RARS2: variants seen among roughly 807,000 people sequenced by gnomAD.
The protein encoded by RARS2 is arginyl-tRNA synthetase 2, mitochondrial.
In RARS2, 67 loss-of-function variants were observed where a neutral mutation model predicts 88.5. The ratio of observed to expected loss-of-function variants is 0.76; its 90% CI spans 0.62 to 0.93. The LOEUF is 0.93. RARS2 is among the 40% of genes least tolerant of loss of function. RARS2 has a pLI of 0.00. For missense variants in RARS2, 664 were observed against 684.2 expected (o/e 0.97, Z 0.33); for synonymous variants, 239 against 230.3 (o/e 1.04, Z -0.34).
chr6:87,589,958 G>T lies in RARS2; in HGVS notation c.-1C>A. The T allele has an allele frequency of 6.2e-7, 1 of 1,614,220 alleles. No individual in the cohort carries two copies. Among genetic ancestry groups the T allele is most frequent in the South Asian group, 1.1e-5 (1 of 91,092 alleles). ...TAGCGCGGCGAAAGCCGCACGCCAT[G>T]TCCACCTCTACGGAAGTGCGCCGCA... On this transcript the variant is annotated 5_prime_UTR_variant, in exon 1 of 20. Transcript: ENST00000369536.
At chr6:87,559,668 T>G (rs1787236578) in intron 4 of RARS2, among the ~76,000 whole-genome samples, 2 of 152,092 alleles carry the variant, frequency 1.3e-5, no homozygotes, top group Admixed American at 1.3e-4. Context: ...AGAAAAATAT[T>G]TTTTAATTTT....
At chr6:87,529,692 A>C (rs768009485) in intron 9 of RARS2, 44 bp from the exon 10 acceptor site, 5 of 1,401,960 alleles carry the variant, frequency 3.6e-6, no homozygotes, top group Non-Finnish European at 5.1e-6. Flanking sequence ...TGTTAATTGA[A>C]TCTCCTATTC....
In RARS2 at chr6:87,529,539, T is replaced by C. The variant is rs1381707506; in HGVS notation, c.878+3A>G. On this transcript the variant is annotated splice_donor_region_variant and intron_variant, in intron 10 of 19. Coordinates refer to ENST00000369536, the MANE Select transcript of RARS2 (RefSeq NM_020320.5). ...TTACTGAAGAATAGTAACCTGATCATACATTGTTTTCAGTAGGAGTCCTTT... is the reference window on the plus strand; with the variant it reads ...TTACTGAAGAATAGTAACCTGATCACACATTGTTTTCAGTAGGAGTCCTTT... The C allele has an allele frequency of 2.0e-6, 3 of 1,510,030 alleles. No homozygotes were observed. The Admixed American group carries it at 5.0e-5, about 25-fold the overall frequency. 93.5% of individuals were successfully genotyped at this position (1,510,030 alleles called of 1,614,324 possible). A position where few individuals can be genotyped will look rare whatever the true frequency, so the allele number is the denominator to read the frequency against.
chr6:87,540,718 A>C (rs1403768979), intron 8 of RARS2, among the ~76,000 whole-genome samples: 2 of 152,178 alleles, frequency 1.3e-5, no homozygotes, highest in African/African-American at 4.8e-5. Flanking sequence ...CAACAGGGAC[A>C]ACAAAAAGGA....
intron 8 of RARS2, among the ~76,000 whole-genome samples, chr6:87,537,883 C>T (rs1292273466): frequency 2.0e-5 from 3 of 152,132 alleles, no homozygotes; most frequent in South Asian, 2.1e-4. Flanking sequence ...CCAGAAATAA[C>T]GATGGGGCAG....
At chr6:87,579,263 C>A (rs1236220182) in intron 1 of RARS2, among the ~76,000 whole-genome samples, 1 of 152,094 alleles carries the variant, frequency 6.6e-6, no homozygotes, top group Non-Finnish European at 1.5e-5. Flanking sequence ...GGAAAACCCG[C>A]CTGGCTCCCA....
Position 87,548,643 on chromosome 6 carries a change from T to C in RARS2, c.399A>G (p.Ser133=). The C allele has an allele frequency of 6.2e-7, 1 of 1,612,566 alleles. No homozygotes were observed. Among genetic ancestry groups the C allele is most frequent in the Non-Finnish European group, 8.5e-7 (1 of 1,179,264 alleles). The change falls in exon 6 of 20, where the codon TCA becomes TCG. Residue 133 remains serine (S), a synonymous_variant. Transcript: ENST00000369536. ...CATGAAATTTTTTGGCAACATTAGG[T>C]GAACTGCAAAAAAAATGGGAAACAT... ...PQKKIVVEFS[S]PNVAKKFHVG... is the part of the protein sequence containing the mutation.
At chr6:87,514,608 T>A (rs1770922012) in intron 19 of RARS2, 109 bp from the exon 20 acceptor site, 1 of 966,460 alleles carries the variant, frequency 1.0e-6, no homozygotes. Flanking sequence ...AGGAACAATA[T>A]GTCAAAGTGC....
intron 1 of RARS2, among the ~76,000 whole-genome samples, chr6:87,576,753 CTG>C (rs1771712663): frequency 6.6e-6 from 1 of 152,088 alleles, no homozygotes; most frequent in South Asian, 2.1e-4. Context: ...AAAAGAGAAA[CTG>C]AATCTACATA....
rs769473411 is a variant in RARS2, at chr6:87,530,870, G to A, written c.685C>T (p.Arg229Ter). 2.5e-6 allele frequency: 4 copies of A among 1,614,006 alleles called. No individual in the cohort carries two copies. Among genetic ancestry groups the A allele is most frequent in the East Asian group, 4.5e-5 (2 of 44,896 alleles). ...VAKAAQEFFQ[R>*]LELGDVQALS... ...GCTTGCACATCGCCCAGTTCCAATC[G>A]TTGGAAGAACTCCTGTGCTGCTTTT... Residue 229 changes from arginine to a stop codon, truncating the protein, a stop_gained, in exon 9 of 20, where the codon CGA becomes TGA. Coordinates refer to ENST00000369536, the MANE Select transcript of RARS2 (RefSeq NM_020320.5). LOFTEE classifies it high-confidence loss of function.
Position 87,555,422 on chromosome 6 carries a change from A to C in RARS2, c.381T>G (p.Ile127Met), listed in dbSNP as rs1785570799. The C allele has an allele frequency of 6.2e-7, 1 of 1,613,734 alleles. No homozygotes were observed. Among genetic ancestry groups the C allele is most frequent in the African/African-American group, 1.3e-5 (1 of 75,016 alleles). Reference protein sequence around the residue: ...ELFSGLPQKKIVVEFSSPNVA... With the variant: ...ELFSGLPQKKMVVEFSSPNVA... ...TGCACCCTCACCTGAATTCAACCAC[A>C]ATCTTCTTCTGGGGAAGTCCAGAGA... The change falls in exon 5 of 20, where the codon ATT becomes ATG. Residue 127 changes from isoleucine to methionine, a missense_variant. By Grantham distance (10) the Ile-to-Met change is conservative (BLOSUM62 1). Transcript: ENST00000369536.
chr6:87,555,147 A>AT (rs1785475204), intron 5 of RARS2, among the ~76,000 whole-genome samples: 1 of 151,346 alleles, frequency 6.6e-6, no homozygotes, highest in Admixed American at 6.6e-5. Flanking sequence ...AAATAAATAA[A>AT]GTGAATAACT....
intron 2 of RARS2, among the ~76,000 whole-genome samples, chr6:87,565,384 GA>G (rs535297499): frequency 1.5e-4 from 23 of 150,372 alleles, no homozygotes; most frequent in East Asian, 3.9e-4. Context: ...CTGGGTAGGT[GA>G]AAAAAAAATA....
At chr6:87,515,049 G>C (rs1017858006) in intron 18 of RARS2, 29 bp from the exon 19 acceptor site, 2 of 1,545,840 alleles carry the variant, frequency 1.3e-6, no homozygotes, top group East Asian at 2.2e-5. Context: ...AATCACGATA[G>C]TACCAGCAGT....
Position 87,548,824 on chromosome 6 carries a change from T to A in RARS2, c.396-178A>T, listed in dbSNP as rs572445676. 2.5e-4 allele frequency among the ~76,000 whole-genome samples: 38 copies of A among 152,302 alleles called. No individual in the cohort carries two copies. In the South Asian group the frequency reaches 7.9e-3, roughly 32 times the overall value. ...TAAATTAGAACTCGAAATTTTGACA[T>A]TGTGTTAATGAAATTGATCTTGTGA... On this transcript the variant is annotated intron_variant, in intron 5 of 19. Coordinates refer to ENST00000369536, the MANE Select transcript of RARS2 (RefSeq NM_020320.5).
chr6:87,571,470 A>C (rs1186656895), intron 1 of RARS2, among the ~76,000 whole-genome samples: 2 of 152,234 alleles, frequency 1.3e-5, no homozygotes, highest in African/African-American at 4.8e-5. Context: ...ATGCATAAAA[A>C]CAAAATAGTG....
Position 87,514,994 on chromosome 6 carries a change from GT to G in RARS2, c.1612del (p.Thr538HisfsTer4), listed in dbSNP as rs781417096. Reference protein sequence around the residue: ...LSHLAAVAHKTLQIKDSPPEV... With the variant: ...LSHLAAVAHKXLQIKDSPPEV... ...AGGAGGACTATCTTTTATTTGTAGT[GT>G]TTTGTGTGCCACAGCTGCAAGATGA... is the stretch of plus-strand genomic sequence containing the variant. On this transcript the variant is annotated frameshift_variant, in exon 19 of 20. Coordinates refer to ENST00000369536, the MANE Select transcript of RARS2 (RefSeq NM_020320.5). LOFTEE classifies it high-confidence loss of function. The G allele has an allele frequency of 5.6e-6, 9 of 1,613,402 alleles. No individual in the cohort carries two copies. The highest frequency in any genetic ancestry group is 5.9e-6 in the Non-Finnish European group (7 of 1,179,456).
intron 5 of RARS2, among the ~76,000 whole-genome samples, chr6:87,554,275 T>C (rs1785145945): frequency 6.6e-6 from 1 of 152,172 alleles, no homozygotes; most frequent in Admixed American, 6.6e-5. Flanking sequence ...TAGTTCTTAG[T>C]GTTCCCTTTT....
intron 5 of RARS2, 25 bp downstream of exon 5, chr6:87,555,383 A>G (rs773849424): frequency 6.4e-7 from 1 of 1,568,884 alleles, no homozygotes; most frequent in Non-Finnish European, 8.8e-7. Flanking sequence ...TGATTAAGCA[A>G]CACATAAAAG....
Sources: gnomAD v4.1 joint callset for allele counts (sites outside exome capture counted in the v4.1 genomes callset) on GRCh38, gnomAD v4.1.1 for gene constraint, MANE v1.5 for transcripts, NCBI Gene and HGNC (gene_info 2026-07-23, HGNC 2026-07-21) for gene names.